Variants in NSD1 observed in about 807,000 individuals in gnomAD.
The protein encoded by NSD1 is histone-lysine N-methyltransferase, H3 lysine-36 specific.
In NSD1, 26 loss-of-function variants were observed where a neutral mutation model predicts 242.7. The observed-to-expected ratio is 0.11, with a 90% CI of 0.08 to 0.15. The LOEUF (loss-of-function observed/expected upper bound fraction) is 0.15. NSD1 is among the 10% of genes least tolerant of loss of function. NSD1 has a pLI of 1.00. For synonymous variants in NSD1, 1,106 were observed against 1,178.1 expected, an observed-to-expected ratio of 0.94 and a Z score of 1.25; for missense variants, 2,495 against 3,272.8, an observed-to-expected ratio of 0.76 and a Z score of 5.80.
At chr5:177,284,104 A>G (rs765733362) in intron 20 of NSD1, among the ~76,000 whole-genome samples, 176 bp downstream of exon 20, 23 of 152,174 alleles carry the variant, frequency 1.5e-4, no homozygotes, top group Non-Finnish European at 2.6e-4. Flanking sequence ...AACTCTTTTC[A>G]TCTTCCCCTG....
Position 177,237,411 on chromosome 5 carries a change from C to T in NSD1, c.3922-826C>T, listed in dbSNP as rs181429054. Among the ~76,000 whole-genome samples, 142 of 151,644 alleles carry T rather than the reference C, an allele frequency of 9.4e-4. 1 individual carries two copies. The highest frequency in any genetic ancestry group is 3.0e-3 in the African/African-American group (125 of 41,370). On this transcript the variant is annotated intron_variant, in intron 6 of 22. Transcript: ENST00000439151. Reference sequence around the variant, plus strand: ...TGGAGACATTAGAGCAGTCTCTTTCCCCTGCTTTTGAATTATTGTTGTGGA... The same window carrying T: ...TGGAGACATTAGAGCAGTCTCTTTCTCCTGCTTTTGAATTATTGTTGTGGA...
chr5:177,251,405 C>T (rs1030729611), intron 11 of NSD1, among the ~76,000 whole-genome samples: 7 of 152,138 alleles, frequency 4.6e-5, no homozygotes, highest in African/African-American at 7.2e-5. Flanking sequence ...TCTAGCTAGC[C>T]AGTGTCTGTT....
chr5:177,194,936 A>T (rs1235932264), intron 3 of NSD1, among the ~76,000 whole-genome samples: 1 of 151,910 alleles, frequency 6.6e-6, no homozygotes. Context: ...AGGCGGGCAG[A>T]TCACCTGAGG....
At chr5:177,190,841 T>TCG (rs1562179038) in intron 2 of NSD1, among the ~76,000 whole-genome samples, 1 of 146,400 alleles carries the variant, frequency 6.8e-6, no homozygotes, top group African/African-American at 2.7e-5. Flanking sequence ...AGCTAATTTT[T>TCG]TATTTTTAGT....
intron 2 of NSD1, among the ~76,000 whole-genome samples, chr5:177,147,006 CAAA>C (rs61004413): frequency 1.2e-4 from 16 of 136,194 alleles, no homozygotes; most frequent in Non-Finnish European, 1.6e-4. Flanking sequence ...GTCTCTGTCT[CAAA>C]AAAAAAAAAA....
intron 5 of NSD1, among the ~76,000 whole-genome samples, chr5:177,234,694 T>C (rs906996387): frequency 6.6e-6 from 1 of 152,080 alleles, no homozygotes; most frequent in African/African-American, 2.4e-5. Context: ...CCAGCCTGGG[T>C]GACAGAGTGA....
intron 3 of NSD1, among the ~76,000 whole-genome samples, chr5:177,198,506 A>G (rs1237601007): frequency 6.6e-6 from 1 of 152,140 alleles, no homozygotes; most frequent in Non-Finnish European, 1.5e-5. Flanking sequence ...TTGCATCATG[A>G]GGTCACCTCC....
chr5:177,254,720 A>G (rs540140841), intron 12 of NSD1, among the ~76,000 whole-genome samples: 2 of 152,096 alleles, frequency 1.3e-5, no homozygotes, highest in Non-Finnish European at 2.9e-5. Context: ...TGTCACAAAG[A>G]TTTTTAGTTC....
chr5:177,274,931 G>A (rs974158765), intron 17 of NSD1, among the ~76,000 whole-genome samples: 4 of 151,404 alleles, frequency 2.6e-5, no homozygotes, highest in Admixed American at 1.3e-4. Flanking sequence ...ACGGGGTTTC[G>A]CCGTGTTGGC....
chr5:177,158,260 TCTTTCTTTC>T (rs1758316136), intron 2 of NSD1, among the ~76,000 whole-genome samples: 1 of 93,706 alleles, frequency 1.1e-5, no homozygotes, highest in Non-Finnish European at 1.9e-5. Flanking sequence ...TTTCTTTCTT[TCTTTCTTTC>T]TTTCTTTCTT....
At chr5:177,166,577 G>A (rs1047487492) in intron 2 of NSD1, among the ~76,000 whole-genome samples, 1 of 151,504 alleles carries the variant, frequency 6.6e-6, no homozygotes, top group Non-Finnish European at 1.5e-5. Context: ...TTTTTGGGTG[G>A]GGGGATTTTA....
At chr5:177,150,208 A>G (rs932033622) in intron 2 of NSD1, among the ~76,000 whole-genome samples, 1 of 151,980 alleles carries the variant, frequency 6.6e-6, no homozygotes, top group Non-Finnish European at 1.5e-5. Context: ...ATCTCGGCTC[A>G]CTGCAACCTC....
rs759537068 is a variant in NSD1, at chr5:177,295,496, C to T, written c.*37C>T. The T allele has an allele frequency of 3.7e-6, 6 of 1,603,640 alleles. No homozygotes were observed. In the African/African-American group the frequency reaches 6.7e-5, roughly 18 times the overall value. On this transcript the variant is annotated 3_prime_UTR_variant, in exon 23 of 23. Coordinates refer to ENST00000439151, the MANE Select transcript of NSD1 (RefSeq NM_022455.5). The surrounding 1 kb of genome is among the most constrained non-coding windows in gnomAD (Gnocchi z 4.3). ...GTCACATGAACAAACAAGCTGCCCC[C>T]AGGGTACCATTTGGGGAGGGGAAAT...
chr5:177,242,497 C>T (rs1312773935), intron 8 of NSD1, among the ~76,000 whole-genome samples: 1 of 138,804 alleles, frequency 7.2e-6, no homozygotes, highest in Non-Finnish European at 1.6e-5. Context: ...AGGAACTCTA[C>T]AACAAAAATG....
At position 177,228,357 on chromosome 5, in the gene NSD1, C is replaced by T. The variant is rs189737308; in HGVS notation, c.3797-7464C>T. ...ACTTATGAGCTATTAGCTGCAACTACAGACATGCACCACCACGCTAAGCAG... is the reference window on the plus strand; with the variant it reads ...ACTTATGAGCTATTAGCTGCAACTATAGACATGCACCACCACGCTAAGCAG... On this transcript the variant is annotated intron_variant, in intron 5 of 22. Transcript: ENST00000439151. Among the ~76,000 whole-genome samples the T allele has an allele frequency of 8.1e-4, 122 of 151,098 alleles. 1 individual carries two copies. Among genetic ancestry groups the T allele is most frequent in the African/African-American group, 2.9e-3 (119 of 41,186 alleles).
In NSD1 at chr5:177,297,663, G is replaced by A. The variant is rs1201645965; in HGVS notation, c.*2204G>A. ...TCATGAAATAAACTGTGAATTTGGG[G>A]GGGGCGGGGGGAGGGCGTGCAGGCC... is the stretch of plus-strand genomic sequence containing the variant. On this transcript the variant is annotated 3_prime_UTR_variant, in exon 23 of 23. Coordinates refer to ENST00000439151, the MANE Select transcript of NSD1 (RefSeq NM_022455.5). 3 of 137,074 alleles carry A rather than the reference G, an allele frequency of 2.2e-5. No individual in the cohort carries two copies. Among genetic ancestry groups the A allele is most frequent in the Non-Finnish European group, 3.1e-5 (2 of 64,848 alleles). The allele number at this position is 137,074 out of a possible 1,614,324, so 8.5% of individuals were successfully genotyped here. A position where few individuals can be genotyped will look rare whatever the true frequency, so the allele number is the denominator to read the frequency against.
At chr5:177,158,751 A>G (rs944029762) in intron 2 of NSD1, among the ~76,000 whole-genome samples, 1 of 146,790 alleles carries the variant, frequency 6.8e-6, no homozygotes, top group Non-Finnish European at 1.5e-5. Context: ...GAGCCCAGGA[A>G]GCTGAGGCTG....
intron 7 of NSD1, among the ~76,000 whole-genome samples, chr5:177,239,051 T>C (rs571240545): frequency 2.1e-4 from 32 of 152,340 alleles, no homozygotes; most frequent in African/African-American, 7.5e-4. Flanking sequence ...TCTAAACATA[T>C]TGTCTCTAAT....
chr5:177,257,951 A>C (rs1581461798), intron 13 of NSD1, among the ~76,000 whole-genome samples: 3 of 136,054 alleles, frequency 2.2e-5, no homozygotes, highest in Admixed American at 7.5e-5. Flanking sequence ...GGCGTGAGCC[A>C]CCACGCGTGG....
Sources: gnomAD v4.1 joint callset for allele counts (sites outside exome capture counted in the v4.1 genomes callset) on GRCh38, gnomAD v4.1.1 for gene constraint, Gnocchi (gnomAD v3.1) non-coding constraint, MANE v1.5 for transcripts, NCBI Gene and HGNC (gene_info 2026-07-23, HGNC 2026-07-21) for gene names.